The following HYCC1 variants were observed in gnomAD, a reference collection of about 807,000 sequenced individuals.
The protein encoded by HYCC1 is hyccin PI4KA lipid kinase complex subunit 1, also known as hyccin.
At chr7:22,952,297 G>A in the HYCC1 span, among the ~76,000 whole-genome samples, 1 of 151,940 alleles carries the variant, frequency 6.6e-6, no homozygotes, top group African/African-American at 2.4e-5. Context: ...GGTGGTCTGG[G>A]AAAACCTCTT....
the HYCC1 span, among the ~76,000 whole-genome samples, chr7:23,006,529 A>G: frequency 1.3e-5 from 2 of 152,140 alleles, no homozygotes; most frequent in Admixed American, 1.3e-4. Flanking sequence ...GGCCTCCCAA[A>G]GTGCTGGGAT....
chr7:23,004,055 T>A, the HYCC1 span, among the ~76,000 whole-genome samples: 10 of 152,216 alleles, frequency 6.6e-5, no homozygotes, highest in Non-Finnish European at 1.5e-4. Context: ...TAAGAGTCAA[T>A]TTGTTTTAGC....
the HYCC1 span, chr7:22,945,317 A>T: frequency 4.1e-6 from 2 of 487,272 alleles, no homozygotes; most frequent in South Asian, 4.8e-5. Flanking sequence ...ATTTATTGTC[A>T]CTGACAATCT....
chr7:22,915,826 G>T, the HYCC1 span, among the ~76,000 whole-genome samples: 1 of 151,808 alleles, frequency 6.6e-6, no homozygotes, highest in Non-Finnish European at 1.5e-5. Context: ...TTCTTTTATG[G>T]GCTTCTTTTT....
the HYCC1 span, among the ~76,000 whole-genome samples, chr7:22,952,109 T>C: frequency 6.6e-5 from 10 of 152,018 alleles, no homozygotes; most frequent in African/African-American, 1.2e-4. Context: ...TTGATTTAGA[T>C]GCTGGGGATA....
chr7:22,921,371 T>C, the HYCC1 span, among the ~76,000 whole-genome samples: 1 of 152,180 alleles, frequency 6.6e-6, no homozygotes, highest in Non-Finnish European at 1.5e-5. Flanking sequence ...AAATAAAAAG[T>C]ATCAAGGTAA....
At chr7:22,961,605 T>G in the HYCC1 span, among the ~76,000 whole-genome samples, 2 of 152,192 alleles carry the variant, frequency 1.3e-5, no homozygotes, top group Non-Finnish European at 2.9e-5. Flanking sequence ...TCAAAGCATT[T>G]TATACTTTCA....
At chr7:22,999,624 A>G in the HYCC1 span, among the ~76,000 whole-genome samples, 53,500 of 152,024 alleles carry the variant, frequency 0.35, 9,482 homozygotes, top group East Asian at 0.47. Flanking sequence ...AGTAAGAGCA[A>G]AGAAACAGAA....
the HYCC1 span, chr7:22,940,502 T>G: frequency 6.6e-6 from 1 of 152,132 alleles, no homozygotes; most frequent in South Asian, 2.1e-4. Context: ...TCCACCCACC[T>G]CGGCCTCCCA....
chr7:22,919,676 G>A, the HYCC1 span, among the ~76,000 whole-genome samples: 4 of 151,722 alleles, frequency 2.6e-5, no homozygotes, highest in African/African-American at 4.8e-5. Context: ...ATTTAATAGA[G>A]GGGCTCAACT....
chr7:23,013,648 G>A, the HYCC1 span, among the ~76,000 whole-genome samples: 1 of 151,782 alleles, frequency 6.6e-6, no homozygotes. Context: ...CAAAGCTGCC[G>A]CCCTCCAGGC....
the HYCC1 span, among the ~76,000 whole-genome samples, chr7:22,973,737 C>A: frequency 3.3e-5 from 5 of 152,056 alleles, no homozygotes; most frequent in African/African-American, 1.2e-4. Flanking sequence ...CCAGTTTTTA[C>A]TTGCATTCTC....
the HYCC1 span, among the ~76,000 whole-genome samples, chr7:22,905,373 C>T: frequency 2.1e-5 from 3 of 142,200 alleles, no homozygotes; most frequent in Non-Finnish European, 3.0e-5. Context: ...CCAGGATACC[C>T]GGCTAATTTT....
chr7:22,925,437 A>G, the HYCC1 span, among the ~76,000 whole-genome samples: 1 of 152,206 alleles, frequency 6.6e-6, no homozygotes, highest in African/African-American at 2.4e-5. Context: ...ACTTTGAAAA[A>G]AAATTAGACA....
At chr7:23,002,165 T>TACAATG in the HYCC1 span, among the ~76,000 whole-genome samples, 1 of 36,770 alleles carries the variant, frequency 2.7e-5, no homozygotes, top group African/African-American at 1.2e-4. Flanking sequence ...TATATATATA[T>TACAATG]ATATATATAT....
the HYCC1 span, chr7:22,938,655 C>G: frequency 6.6e-6 from 1 of 152,218 alleles, no homozygotes; most frequent in African/African-American, 2.4e-5. Flanking sequence ...CGTTACTCAA[C>G]TGGCTTTATT....
the HYCC1 span, among the ~76,000 whole-genome samples, chr7:22,916,432 C>T: frequency 6.6e-6 from 1 of 152,176 alleles, no homozygotes; most frequent in Non-Finnish European, 1.5e-5. Flanking sequence ...AAAGCTGCTC[C>T]CACAATAGCT....
chr7:22,999,458 T>A, the HYCC1 span, among the ~76,000 whole-genome samples: 2 of 152,210 alleles, frequency 1.3e-5, no homozygotes, highest in African/African-American at 4.8e-5. Context: ...TGAACTATAA[T>A]AATTACCTCA....
At chr7:22,927,026 A>G in the HYCC1 span, among the ~76,000 whole-genome samples, 2 of 152,196 alleles carry the variant, frequency 1.3e-5, no homozygotes, top group Non-Finnish European at 2.9e-5. Flanking sequence ...GGATTAAGAA[A>G]CTCACTCAAA....
Sources: gnomAD v4.1 joint callset for allele counts (sites outside exome capture counted in the v4.1 genomes callset) on GRCh38, gnomAD v4.1.1 for gene constraint, MANE v1.5 for transcripts, NCBI Gene and HGNC (gene_info 2026-07-23, HGNC 2026-07-21) for gene names.